NUMA1: variants seen among roughly 807,000 people sequenced by gnomAD.
NUMA1 encodes SP-H antigen.
In NUMA1, 62 loss-of-function variants were observed where a neutral mutation model predicts 237.1. The observed-to-expected ratio is 0.26, with a 90% CI of 0.21 to 0.32. The LOEUF (loss-of-function observed/expected upper bound fraction) is 0.32. NUMA1 is among the 10% of genes least tolerant of loss of function. The pLI, the probability that NUMA1 is intolerant of heterozygous loss-of-function variation, is 1.00. For synonymous variants in NUMA1, 1,028 were observed against 1,066.1 expected, an observed-to-expected ratio of 0.96 and a Z score of 0.70; for missense variants, 2,533 against 2,666.5, an observed-to-expected ratio of 0.95 and a Z score of 1.10.
chr11:72,004,513 G>A, intron 24 of NUMA1, 127 bp downstream of exon 24: 1 of 1,232,844 alleles, frequency 8.1e-7, no homozygotes, highest in Non-Finnish European at 1.1e-6. Flanking sequence ...CATGGGTCAG[G>A]CCCTTGGAGA....
chr11:72,052,821 T>C (rs1591047667), intron 2 of NUMA1, among the ~76,000 whole-genome samples: 1 of 151,100 alleles, frequency 6.6e-6, no homozygotes, highest in Admixed American at 6.6e-5. Context: ...ACTTGCCTCA[T>C]ACTAAGAAAT....
At chr11:72,009,546 A>G (rs1250557340) in intron 17 of NUMA1, among the ~76,000 whole-genome samples, 159 bp from the exon 18 acceptor site, 2 of 152,234 alleles carry the variant, frequency 1.3e-5, no homozygotes, top group Non-Finnish European at 2.9e-5. Flanking sequence ...GCCCGACTAC[A>G]GTCTACTAAA....
Position 72,010,795 on chromosome 11 carries a change from C to T in NUMA1, c.4710G>A (p.Gln1570=). 6.2e-7 allele frequency: 1 copy of T among 1,613,648 alleles called. No individual in the cohort carries two copies. The highest frequency in any genetic ancestry group is 1.1e-5 in the South Asian group (1 of 91,048). ...CCCCCAGCTGCCCCACCTTCAGCTT[C>T]TGCTGCTGCACCTTGCTGGCTTGGT... ...DSDQASKVQQ[Q]KLKAVQAQGG... The change falls in exon 17 of 27, where the codon CAG becomes CAA. Residue 1570 remains glutamine (Q), a synonymous_variant. Coordinates refer to ENST00000393695, the MANE Select transcript of NUMA1 (RefSeq NM_006185.4).
chr11:72,026,997 A>T (rs1939672306), intron 4 of NUMA1, among the ~76,000 whole-genome samples: 1 of 152,208 alleles, frequency 6.6e-6, no homozygotes, highest in African/African-American at 2.4e-5. Context: ...CAACTTGCAA[A>T]TGAGCATCTT....
intron 2 of NUMA1, among the ~76,000 whole-genome samples, chr11:72,054,569 A>T (rs551471352): frequency 6.6e-6 from 1 of 152,336 alleles, no homozygotes; most frequent in Non-Finnish European, 1.5e-5. Context: ...CAAGTTATAG[A>T]ATAAATCTTT....
At chr11:72,028,561 G>C (rs1474344453) in intron 4 of NUMA1, among the ~76,000 whole-genome samples, 1 of 150,844 alleles carries the variant, frequency 6.6e-6, no homozygotes, top group East Asian at 1.9e-4. Context: ...AGATAACTGT[G>C]ACGTTCAAAG....
At chr11:72,019,047 G>A (rs1938346025) in intron 9 of NUMA1, 67 bp from the exon 10 acceptor site, 2 of 1,574,222 alleles carry the variant, frequency 1.3e-6, no homozygotes, top group Non-Finnish European at 1.7e-6. Flanking sequence ...GCAACAGGCA[G>A]CAGTAAGGGA....
chr11:72,021,542 T>G (rs1422481780), intron 7 of NUMA1, among the ~76,000 whole-genome samples: 1 of 152,236 alleles, frequency 6.6e-6, no homozygotes, highest in Non-Finnish European at 1.5e-5. Flanking sequence ...AGTTCCTGAC[T>G]GACTTAACTC....
chr11:72,075,526 A>G (rs1043868832), intron 1 of NUMA1, among the ~76,000 whole-genome samples: 1 of 152,208 alleles, frequency 6.6e-6, no homozygotes, highest in African/African-American at 2.4e-5. Flanking sequence ...AGCACCAGGT[A>G]ACACCCTCTC....
intron 20 of NUMA1, 160 bp from the exon 21 acceptor site, chr11:72,007,595 T>TGGGC (rs1955829932): frequency 1.1e-6 from 1 of 877,200 alleles, no homozygotes; most frequent in Non-Finnish European, 1.8e-6. Flanking sequence ...GCACTTGACC[T>TGGGC]GGGCCTTCCT....
intron 12 of NUMA1, 48 bp from the exon 13 acceptor site, chr11:72,017,875 C>T: frequency 6.4e-7 from 1 of 1,572,644 alleles, no homozygotes; most frequent in South Asian, 1.1e-5. Context: ...CAACGCTGAC[C>T]CCACCACTGC....
At chr11:72,065,458 G>T (rs1303725574) in intron 2 of NUMA1, 1 of 151,788 alleles carries the variant, frequency 6.6e-6, no homozygotes, top group Non-Finnish European at 1.5e-5. Context: ...TGGTAAATGG[G>T]GAAAAAAGCA....
chr11:72,063,965 A>T (rs971074654), intron 2 of NUMA1, among the ~76,000 whole-genome samples: 4 of 151,858 alleles, frequency 2.6e-5, no homozygotes, highest in African/African-American at 9.7e-5. Flanking sequence ...AAAAAAAAAA[A>T]ATCTCATGTT....
chr11:72,008,049 T>C (rs1955865470), intron 20 of NUMA1: 2 of 464,516 alleles, frequency 4.3e-6, no homozygotes, highest in Non-Finnish European at 8.6e-6. Context: ...ACTGCCCCTC[T>C]ATGCCCCAGA....
At chr11:72,003,691 C>G (rs918751566) in intron 26 of NUMA1, 153 bp from the exon 27 acceptor site, 7 of 1,065,556 alleles carry the variant, frequency 6.6e-6, no homozygotes, top group Non-Finnish European at 9.9e-6. Flanking sequence ...GCCTGAGCAG[C>G]TCTGGGTGCT....
At chr11:72,047,671 G>T (rs529456416) in intron 2 of NUMA1, among the ~76,000 whole-genome samples, 1 of 152,160 alleles carries the variant, frequency 6.6e-6, no homozygotes, top group South Asian at 2.1e-4. Context: ...TGCCAGGCAG[G>T]TCTATAAAGT....
chr11:72,073,048 C>CAAAAAAAAAAAAAAAAAA (rs71052849), intron 1 of NUMA1, among the ~76,000 whole-genome samples: 3 of 38,976 alleles, frequency 7.7e-5, no homozygotes, highest in African/African-American at 3.3e-4. Flanking sequence ...GACTCCGTCT[C>CAAAAAAAAAAAAAAAAAA]AAAAAAAAAA....
In NUMA1 at chr11:72,052,181, G is replaced by A. The variant is rs555777871; in HGVS notation, c.-32-16206C>T. ...TATAGGGGCGTGGGAAAGGTGGGGA[G>A]CTAAAGAGAACACTAAGATTCTTGC... is the stretch of plus-strand genomic sequence containing the variant. On this transcript the variant is annotated intron_variant, in intron 2 of 26. Coordinates refer to ENST00000393695, the MANE Select transcript of NUMA1 (RefSeq NM_006185.4). Among the ~76,000 whole-genome samples, 7 of 152,270 alleles carry A rather than the reference G, an allele frequency of 4.6e-5. No individual in the cohort carries two copies. The East Asian group carries it at 7.7e-4, about 17-fold the overall frequency.
chr11:72,033,575 G>A (rs753658794), intron 3 of NUMA1, among the ~76,000 whole-genome samples: 81 of 151,866 alleles, frequency 5.3e-4, no homozygotes, highest in Non-Finnish European at 9.9e-4. Flanking sequence ...GTCTCACCAC[G>A]TTGCCCAGGG....
Sources: allele counts gnomAD v4.1 joint callset (sites outside exome capture counted in the v4.1 genomes callset), GRCh38; gene constraint gnomAD v4.1.1; transcripts MANE v1.5; gene names NCBI Gene and HGNC (gene_info 2026-07-23, HGNC 2026-07-21).